RAB35: variants seen among roughly 807,000 people sequenced by gnomAD.
The protein encoded by RAB35 is RAB35, member RAS oncogene family, also known as ras-related protein Rab-35.
RAB35 carries 4 observed loss-of-function variants against 28.9 expected under a neutral mutation model. The ratio of observed to expected loss-of-function variants is 0.14; its 90% CI spans 0.07 to 0.32. RAB35 has a LOEUF of 0.32. Ranked by LOEUF, RAB35 falls within the 10% of genes least tolerant of loss-of-function variation. The probability of loss-of-function intolerance (pLI) is 1.00; values close to 1 mark genes in which losing one functional copy is unlikely to be tolerated. For synonymous variants in RAB35, 99 were observed against 105.1 expected (o/e 0.94, Z 0.35); for missense variants, 128 against 274.0 (o/e 0.47, Z 3.76).
At chr12:120,110,313 A>C (rs552010399) in intron 1 of RAB35, among the ~76,000 whole-genome samples, 1 of 8,924 alleles carries the variant, frequency 1.1e-4, no homozygotes, top group African/African-American at 3.6e-4. Context: ...TTGGAGAGAT[A>C]GGGCCTTACT....
Position 120,111,926 on chromosome 12 carries a change from C to A in RAB35, c.53-3459G>T, listed in dbSNP as rs183940571. 5.9e-3 allele frequency among the ~76,000 whole-genome samples: 893 copies of A among 152,202 alleles called. 9 individuals are homozygous for A. The highest frequency in any genetic ancestry group is 0.02 in the African/African-American group (816 of 41,528). ...CACCCACCAACCTTCACCACAGCCA[C>A]CCCCGAGGCTGCCCAAGGGCACATC... On this transcript the variant is annotated intron_variant, in intron 1 of 5. Transcript: ENST00000229340.
In RAB35 at chr12:120,103,297, G is replaced by A. The variant is rs182906033; in HGVS notation, c.227+529C>T. 9.9e-5 allele frequency among the ~76,000 whole-genome samples: 15 copies of A among 152,222 alleles called. No individual in the cohort carries two copies. The highest frequency in any genetic ancestry group is 1.9e-4 in the Non-Finnish European group (13 of 68,018). Reference sequence around the variant, plus strand: ...AAAGGTGGGCAACCGGTGGGCGGCCGGATTTCCCAGGAACAGCTTTAAGGG... The same window carrying A: ...AAAGGTGGGCAACCGGTGGGCGGCCAGATTTCCCAGGAACAGCTTTAAGGG... On this transcript the variant is annotated intron_variant, in intron 3 of 5. Coordinates refer to ENST00000229340, the MANE Select transcript of RAB35 (RefSeq NM_006861.7). The surrounding 1 kb of genome is among the most constrained non-coding windows in gnomAD (Gnocchi z 6.1).
At chr12:120,111,105 C>T (rs906308420) in intron 1 of RAB35, among the ~76,000 whole-genome samples, 3 of 152,254 alleles carry the variant, frequency 2.0e-5, no homozygotes, top group Non-Finnish European at 4.4e-5. Flanking sequence ...CCAGGCCCAG[C>T]ACTTAGTAGG....
chr12:120,108,503 G>A lies in RAB35; in HGVS notation c.53-36C>T, dbSNP rs148542751. On this transcript the variant is annotated intron_variant, in intron 1 of 5. Coordinates refer to ENST00000229340, the MANE Select transcript of RAB35 (RefSeq NM_006861.7). ...GAAAGCACTGCGATGAGGGGGGCAG[G>A]TGGGTCCCCTCCCCGCAGCCCCAGC... 2.4e-5 allele frequency: 38 copies of A among 1,594,014 alleles called. No homozygotes were observed. In the East Asian group the frequency reaches 8.0e-4, roughly 34 times the overall value.
intron 3 of RAB35, among the ~76,000 whole-genome samples, chr12:120,099,872 C>A (rs917619257): frequency 6.7e-6 from 1 of 149,688 alleles, no homozygotes; most frequent in Non-Finnish European, 1.5e-5. Context: ...CATCAATCCC[C>A]GGAGGAGGAG....
intron 5 of RAB35, among the ~76,000 whole-genome samples, 183 bp from the exon 6 acceptor site, chr12:120,097,556 A>G (rs1234599941): frequency 6.6e-6 from 1 of 152,188 alleles, no homozygotes; most frequent in African/African-American, 2.4e-5. Context: ...GTCAAAAAGG[A>G]ACAACATTGC....
intron 5 of RAB35, among the ~76,000 whole-genome samples, chr12:120,098,349 G>A (rs1875520398): frequency 6.6e-6 from 1 of 152,264 alleles, no homozygotes; most frequent in South Asian, 2.1e-4. Flanking sequence ...AGGTGGATGG[G>A]CCAGCATCAG....
intron 2 of RAB35, among the ~76,000 whole-genome samples, chr12:120,105,791 C>T (rs1004515465): frequency 3.3e-5 from 5 of 152,086 alleles, no homozygotes; most frequent in Non-Finnish European, 2.9e-5. Flanking sequence ...GGCGTGGTGG[C>T]GGGCACCTGT....
chr12:120,109,990 C>T (rs532852740), intron 1 of RAB35, among the ~76,000 whole-genome samples: 7 of 152,278 alleles, frequency 4.6e-5, no homozygotes, highest in African/African-American at 1.7e-4. Context: ...TAATTCTGGC[C>T]ACATCTCTTG....
intron 1 of RAB35, among the ~76,000 whole-genome samples, chr12:120,110,316 G>T (rs1169219645): frequency 2.5e-5 from 1 of 39,926 alleles, no homozygotes; most frequent in Non-Finnish European, 4.1e-5. Flanking sequence ...GAGAGATAGG[G>T]CCTTACTCTG....
In RAB35 at chr12:120,096,821, T is replaced by C. The variant is rs1875421480; in HGVS notation, c.*424A>G. 7.7e-7 allele frequency: 1 copy of C among 1,293,522 alleles called. No individual in the cohort carries two copies. The highest frequency in any genetic ancestry group is 1.0e-6 in the Non-Finnish European group (1 of 991,468). The allele number at this position is 1,293,522 out of a possible 1,614,324, so 80.1% of individuals were successfully genotyped here. A position where few individuals can be genotyped will look rare whatever the true frequency, so the allele number is the denominator to read the frequency against. ...CGCAGACGCAGCTAGAACGTGCCGCTGTCTCCTCAGGACGCTGCTTGCAGT... is the reference window on the plus strand; with the variant it reads ...CGCAGACGCAGCTAGAACGTGCCGCCGTCTCCTCAGGACGCTGCTTGCAGT... On this transcript the variant is annotated 3_prime_UTR_variant, in exon 6 of 6. Transcript: ENST00000229340.
chr12:120,112,471 C>T (rs1215300600), intron 1 of RAB35, among the ~76,000 whole-genome samples: 1 of 151,064 alleles, frequency 6.6e-6, no homozygotes, highest in Non-Finnish European at 1.5e-5. Context: ...TGCTCTGTTG[C>T]TCAGGCTAAA....
At chr12:120,113,687 G>T (rs1428344246) in intron 1 of RAB35, among the ~76,000 whole-genome samples, 1 of 152,042 alleles carries the variant, frequency 6.6e-6, no homozygotes, top group African/African-American at 2.4e-5. Context: ...GCATGGTGGT[G>T]GGCACCTGTA....
At chr12:120,100,733 C>G (rs1045972552) in intron 3 of RAB35, among the ~76,000 whole-genome samples, 1 of 152,222 alleles carries the variant, frequency 6.6e-6, no homozygotes, top group African/African-American at 2.4e-5. Flanking sequence ...TCCAGGGCAG[C>G]GTCGCTCCTT....
intron 1 of RAB35, among the ~76,000 whole-genome samples, chr12:120,108,878 G>C (rs1239136481): frequency 6.6e-6 from 1 of 152,230 alleles, no homozygotes; most frequent in Non-Finnish European, 1.5e-5. Context: ...ATCAGTTAGG[G>C]AGCCGCCCAA....
Position 120,099,142 on chromosome 12 carries a change from C to A in RAB35, c.240G>T (p.Gly80=). 6.2e-7 allele frequency: 1 copy of A among 1,614,132 alleles called. No homozygotes were observed. The highest frequency in any genetic ancestry group is 2.2e-5 in the East Asian group (1 of 44,904). ...FRTITSTYYR[G]THGVIVVYDV... is the part of the protein sequence containing the mutation. ...CGTAAACCACAATGACCCCGTGGGT[C>A]CCCCGATAATACCTGCAGGGCCAGA... The change falls in exon 4 of 6, where the codon GGG becomes GGT. Residue 80 remains glycine, a synonymous_variant. Transcript: ENST00000229340.
chr12:120,104,833 C>T (rs1370955005), intron 2 of RAB35, among the ~76,000 whole-genome samples: 3 of 152,140 alleles, frequency 2.0e-5, no homozygotes, highest in African/African-American at 7.2e-5. Flanking sequence ...GGGGTTTCAC[C>T]ATGTTGCCCA....
chr12:120,111,871 C>T (rs1395394198), intron 1 of RAB35, among the ~76,000 whole-genome samples: 1 of 152,172 alleles, frequency 6.6e-6, no homozygotes, highest in Non-Finnish European at 1.5e-5. Flanking sequence ...CATTACCCCA[C>T]ACCATCAGTG....
Position 120,096,443 on chromosome 12 carries a change from C to T in RAB35, c.*802G>A. On this transcript the variant is annotated 3_prime_UTR_variant, in exon 6 of 6. Coordinates refer to ENST00000229340, the MANE Select transcript of RAB35 (RefSeq NM_006861.7). ...AAATAATCCTCCCATAGCCCCCCTG[C>T]CAGCCCCATCTCTGCACGAACCTAC... The T allele has an allele frequency of 3.1e-6, 4 of 1,288,572 alleles. No homozygotes were observed. The highest frequency in any genetic ancestry group is 4.0e-6 in the Non-Finnish European group (4 of 987,976). 79.8% of individuals were successfully genotyped at this position (1,288,572 alleles called of 1,614,324 possible). A position where few individuals can be genotyped will look rare whatever the true frequency, so the allele number is the denominator to read the frequency against.
Sources: allele counts gnomAD v4.1 joint callset (sites outside exome capture counted in the v4.1 genomes callset), GRCh38; gene constraint gnomAD v4.1.1; non-coding constraint Gnocchi (gnomAD v3.1); transcripts MANE v1.5; gene names NCBI Gene and HGNC (gene_info 2026-07-23, HGNC 2026-07-21).